RPA1: variants seen among roughly 807,000 people sequenced by gnomAD.
RPA1 encodes the protein replication protein A1.
RPA1 carries 49 observed loss-of-function variants against 83.0 expected under a neutral mutation model. The ratio of observed to expected loss-of-function variants is 0.59; its 90% CI spans 0.47 to 0.75. The LOEUF is 0.75. Ranked by LOEUF, RPA1 falls within the 30% of genes least tolerant of loss-of-function variation. RPA1 has a pLI of 0.00. For synonymous variants in RPA1, 279 were observed against 281.8 expected, an observed-to-expected ratio of 0.99 and a Z score of 0.10; for missense variants, 693 against 776.1, an observed-to-expected ratio of 0.89 and a Z score of 1.27.
At chr17:1,879,990 C>T (rs1913723478) in intron 11 of RPA1, among the ~76,000 whole-genome samples, 1 of 145,008 alleles carries the variant, frequency 6.9e-6, no homozygotes, top group Non-Finnish European at 1.5e-5. Context: ...TCAGCACACA[C>T]AGGAGGAGCT....
intron 6 of RPA1, among the ~76,000 whole-genome samples, chr17:1,874,088 A>T (rs2151284844): frequency 6.7e-6 from 1 of 149,308 alleles, no homozygotes; most frequent in East Asian, 2.0e-4. Context: ...GGTGAAATAG[A>T]CTCTCTAAAG....
intron 16 of RPA1, among the ~76,000 whole-genome samples, chr17:1,895,914 C>A (rs1484031697): frequency 6.6e-6 from 1 of 151,996 alleles, no homozygotes; most frequent in Non-Finnish European, 1.5e-5. Flanking sequence ...GAACTCCTGA[C>A]CTCAGATGAT....
intron 1 of RPA1, among the ~76,000 whole-genome samples, chr17:1,833,543 T>C (rs1397666078): frequency 6.6e-6 from 1 of 152,212 alleles, no homozygotes; most frequent in East Asian, 1.9e-4. Flanking sequence ...TGCTACCTTG[T>C]GTCTTTAAGA....
chr17:1,851,024 G>A (rs937656625), intron 4 of RPA1, among the ~76,000 whole-genome samples: 7 of 152,158 alleles, frequency 4.6e-5, no homozygotes, highest in African/African-American at 1.2e-4. Flanking sequence ...TCCCCATATA[G>A]CCCATCATTC....
chr17:1,842,695 C>A, intron 1 of RPA1, 108 bp from the exon 2 acceptor site: 2 of 913,954 alleles, frequency 2.2e-6, no homozygotes, highest in South Asian at 1.5e-5. Context: ...TCTGAATAGG[C>A]TCTTTTAACA....
chr17:1,883,284 C>T (rs1913865688), intron 12 of RPA1, among the ~76,000 whole-genome samples: 1 of 152,174 alleles, frequency 6.6e-6, no homozygotes, highest in Non-Finnish European at 1.5e-5. Flanking sequence ...CTGCCTCAGC[C>T]TCCCGAGTAG....
At chr17:1,883,580 C>T (rs1166941302) in intron 12 of RPA1, among the ~76,000 whole-genome samples, 2 of 152,124 alleles carry the variant, frequency 1.3e-5, no homozygotes, top group Non-Finnish European at 2.9e-5. Flanking sequence ...TGCATCATTG[C>T]ACTCCAGCCT....
At chr17:1,885,295 G>A (rs1259342313) in intron 13 of RPA1, among the ~76,000 whole-genome samples, 1 of 152,118 alleles carries the variant, frequency 6.6e-6, no homozygotes, top group Non-Finnish European at 1.5e-5. Flanking sequence ...CAGCAGTTCA[G>A]GCCCATTTTC....
chr17:1,845,364 C>G (rs1409243424), intron 4 of RPA1, among the ~76,000 whole-genome samples: 1 of 150,464 alleles, frequency 6.6e-6, no homozygotes, highest in Non-Finnish European at 1.5e-5. Context: ...CAGGCCCTGT[C>G]TCTACAAAAA....
intron 15 of RPA1, among the ~76,000 whole-genome samples, chr17:1,894,389 A>T (rs1245508026): frequency 6.6e-6 from 1 of 151,158 alleles, no homozygotes; most frequent in Non-Finnish European, 1.5e-5. Context: ...CTGGTCTTGA[A>T]CTCCCAACCT....
chr17:1,872,488 G>A lies in RPA1; in HGVS notation c.416G>A (p.Ser139Asn), dbSNP rs774802762. Residue 139 changes from serine (S) to asparagine (N), a missense_variant, in exon 6 of 17, where the codon AGC becomes AAC. Ser to Asn is a conservative substitution (Grantham distance 46). Transcript: ENST00000254719. ...PPAPAASPAASSRPQPQNGSS... is the reference protein window; with the variant it reads ...PPAPAASPAANSRPQPQNGSS... ...GCGCCAGCAGCCAGCCCAGCAGCAA[G>A]CAGCAGGCCCCAGCCGCAGAATGGA... 1.9e-6 allele frequency: 3 copies of A among 1,614,052 alleles called. No individual in the cohort carries two copies. Among genetic ancestry groups the A allele is most frequent in the Non-Finnish European group, 2.5e-6 (3 of 1,180,028 alleles).
intron 13 of RPA1, among the ~76,000 whole-genome samples, chr17:1,887,776 C>G (rs1479395882): frequency 6.6e-6 from 1 of 152,042 alleles, no homozygotes; most frequent in African/African-American, 2.4e-5. Flanking sequence ...GTAGTCCCAG[C>G]TACTTGGGTG....
chr17:1,868,098 A>G (rs898643409), intron 5 of RPA1, among the ~76,000 whole-genome samples: 1 of 152,138 alleles, frequency 6.6e-6, no homozygotes, highest in Non-Finnish European at 1.5e-5. Flanking sequence ...GGGAAAAAAA[A>G]AGAAAATAAA....
chr17:1,872,209 C>T (rs1913398626), intron 5 of RPA1: 1 of 581,672 alleles, frequency 1.7e-6, no homozygotes, highest in African/African-American at 1.9e-5. Flanking sequence ...CAATTCTAAG[C>T]AGGTGAAAGG....
chr17:1,830,008 G>T lies in RPA1; in HGVS notation c.-86G>T, dbSNP rs574702017. On this transcript the variant is annotated 5_prime_UTR_variant, in exon 1 of 17. Coordinates refer to ENST00000254719, the MANE Select transcript of RPA1 (RefSeq NM_002945.5). The stretch of plus-strand genomic sequence containing the variant: ...GCGGGAGCGGTGCGCGCAACTTCTC[G>T]GGCCAATAACTGCGCAGCGCGCGGG... 3.3e-6 allele frequency: 4 copies of T among 1,217,242 alleles called. No individual in the cohort carries two copies. In the Admixed American group the frequency reaches 1.3e-4, roughly 39 times the overall value. 75.4% of individuals were successfully genotyped at this position (1,217,242 alleles called of 1,614,324 possible).
intron 15 of RPA1, among the ~76,000 whole-genome samples, chr17:1,892,969 G>A (rs1239488851): frequency 1.3e-5 from 2 of 152,266 alleles, no homozygotes; most frequent in Admixed American, 6.5e-5. Flanking sequence ...CTTTTCCCCC[G>A]ATTTCCTCCA....
rs570728892 is a variant in RPA1 at position 1,877,197 on chromosome 17, C to T, written c.588-15C>T. ...GGAAGACCCCATACACTAATATGAT[C>T]GATTTGGTTTGTAGGTGGACCATTT... On this transcript the variant is annotated splice_polypyrimidine_tract_variant and intron_variant, in intron 7 of 16. Transcript: ENST00000254719. 3.0e-5 allele frequency: 49 copies of T among 1,611,090 alleles called. No homozygotes were observed. The highest frequency in any genetic ancestry group is 1.7e-4 in the Middle Eastern group (1 of 6,052).
rs1597459034 is a variant in RPA1, at chr17:1,888,763, A to G, written c.1463A>G (p.Lys488Arg). 6.2e-7 allele frequency: 1 copy of G among 1,614,244 alleles called. No individual in the cohort carries two copies. Among genetic ancestry groups the G allele is most frequent in the Non-Finnish European group, 8.5e-7 (1 of 1,180,040 alleles). Residue 488 changes from lysine (K) to arginine (R), a missense_variant, in exon 14 of 17, where the codon AAG becomes AGG. Physicochemically the swap from Lys to Arg is conservative, Grantham distance 26. Coordinates refer to ENST00000254719, the MANE Select transcript of RPA1 (RefSeq NM_002945.5). ...YQACPTQDCN[K>R]KVIDQQNGLY... is the part of the protein sequence containing the mutation. ...GCCTGCCCGACTCAGGACTGCAATA[A>G]GAAAGTGATTGATCAACAGAATGGA...
At chr17:1,860,350 T>C (rs1912902960) in intron 5 of RPA1, among the ~76,000 whole-genome samples, 1 of 152,082 alleles carries the variant, frequency 6.6e-6, no homozygotes, top group East Asian at 1.9e-4. Context: ...GGGGTCTCAC[T>C]TTGTTGCCCA....
Sources: gnomAD v4.1 joint callset for allele counts (sites outside exome capture counted in the v4.1 genomes callset) on GRCh38, gnomAD v4.1.1 for gene constraint, MANE v1.5 for transcripts, NCBI Gene and HGNC (gene_info 2026-07-23, HGNC 2026-07-21) for gene names.